PACS2: variants seen among roughly 807,000 people sequenced by gnomAD.
PACS2 encodes the protein PACS1-like protein.
A neutral mutation model predicts 113.0 loss-of-function variants in PACS2; 36 were observed. The observed-to-expected ratio is 0.32, with a 90% CI of 0.24 to 0.42. PACS2 has a LOEUF of 0.42. Ranked by LOEUF, PACS2 falls within the 10% of genes least tolerant of loss-of-function variation. The pLI is 1.00. For missense variants in PACS2, 1,015 were observed against 1,239.5 expected (o/e 0.82, Z 2.72); for synonymous variants, 589 against 536.1 (o/e 1.10, Z -1.36).
Position 105,356,273 on chromosome 14 carries a change from C to G in PACS2, c.423+1096C>G, listed in dbSNP as rs377608513. The stretch of plus-strand genomic sequence containing the variant: ...CATCCAGGACAAGTGCCAAGTACTA[C>G]TCTGGGCTCAGCCCTCCCTGCTACC... On this transcript the variant is annotated intron_variant, in intron 4 of 24. Coordinates refer to ENST00000447393, the MANE Select transcript of PACS2 (RefSeq NM_001100913.3). This position sits in a 1 kb window ranked among gnomAD's most constrained non-coding sequence, Gnocchi z 4.0. 3.0e-3 allele frequency among the ~76,000 whole-genome samples: 451 copies of G among 152,308 alleles called. 3 individuals are homozygous for G. The highest frequency in any genetic ancestry group is 0.01 in the African/African-American group (433 of 41,568).
chr14:105,333,001 C>T (rs1595596603), intron 1 of PACS2, among the ~76,000 whole-genome samples: 1 of 152,122 alleles, frequency 6.6e-6, no homozygotes, highest in Non-Finnish European at 1.5e-5. Flanking sequence ...CTGTGGGCTG[C>T]GTCGTGGTTT....
At chr14:105,385,928 C>T (rs587609410) in intron 19 of PACS2, among the ~76,000 whole-genome samples, 1 of 152,346 alleles carries the variant, frequency 6.6e-6, no homozygotes, top group African/African-American at 2.4e-5. Context: ...GACCCTTTTC[C>T]TCCATCCGAT....
In PACS2 at chr14:105,380,672, C is replaced by A. The variant is rs1267682132; in HGVS notation, c.1126-285C>A. ...GGCACCCAGGAACGCCTGGTTCCCC[C>A]CTGCTGCGTTGCATGGGGTCTCCTC... On this transcript the variant is annotated intron_variant, in intron 11 of 24. Transcript: ENST00000447393. Among the ~76,000 whole-genome samples the A allele has an allele frequency of 2.6e-5, 4 of 152,200 alleles. No individual in the cohort carries two copies. In the East Asian group the frequency reaches 5.8e-4, roughly 22 times the overall value.
intron 3 of PACS2, among the ~76,000 whole-genome samples, chr14:105,352,687 C>T (rs587659590): frequency 1.4e-5 from 2 of 145,268 alleles, no homozygotes; most frequent in South Asian, 2.2e-4. Flanking sequence ...CGACGGGCCC[C>T]GTCATCCCTG....
At chr14:105,350,536 C>T in intron 2 of PACS2, among the ~76,000 whole-genome samples, 1 of 152,198 alleles carries the variant, frequency 6.6e-6, no homozygotes, top group East Asian at 1.9e-4. Flanking sequence ...CTGCCCACCC[C>T]AGCTCAGCAG....
rs587710247 is a variant in PACS2, at chr14:105,373,126, C to T, written c.801+3226C>T. On this transcript the variant is annotated intron_variant, in intron 8 of 24. Transcript: ENST00000447393. ...TGTCATATGTTCATGAATTGGAAAA[C>T]TTAGTCTTGTTAAGGTGGCAATAAT... Among the ~76,000 whole-genome samples the T allele has an allele frequency of 1.2e-4, 19 of 152,276 alleles. No individual in the cohort carries two copies. The East Asian group carries it at 1.5e-3, about 12-fold the overall frequency.
rs587768118 is a variant in PACS2 at position 105,337,025 on chromosome 14, C to T, written c.120-11468C>T. On this transcript the variant is annotated intron_variant, in intron 1 of 24. Coordinates refer to ENST00000447393, the MANE Select transcript of PACS2 (RefSeq NM_001100913.3). The stretch of plus-strand genomic sequence containing the variant: ...AACAAGTCAGCACCATGTGGCCCTC[C>T]GCACCACCCAGCATCACTGGGCCCT... Among the ~76,000 whole-genome samples the T allele has an allele frequency of 4.1e-4, 62 of 152,338 alleles. No individual in the cohort carries two copies. The South Asian group carries it at 0.012, about 28-fold the overall frequency.
intron 4 of PACS2, among the ~76,000 whole-genome samples, chr14:105,363,774 G>A (rs879989253): frequency 2.0e-5 from 3 of 152,042 alleles, no homozygotes; most frequent in Admixed American, 1.3e-4. Flanking sequence ...ACCCTGTCTC[G>A]GCTCTGACGT....
chr14:105,339,824 T>C (rs1320460689), intron 1 of PACS2, among the ~76,000 whole-genome samples: 1 of 152,246 alleles, frequency 6.6e-6, no homozygotes, highest in African/African-American at 2.4e-5. Context: ...TTTGTATTTT[T>C]AGTAGAGAGG....
Position 105,352,473 on chromosome 14 carries a change from T to A in PACS2, c.297+6T>A, listed in dbSNP as rs1046835177. The A allele has an allele frequency of 1.3e-6, 2 of 1,570,332 alleles. No homozygotes were observed. The highest frequency in any genetic ancestry group is 1.4e-5 in the African/African-American group (1 of 73,834). ...CCCTGACCTTCTCCTTGCAGGTGAGTCTTTCACCAGTGGTGACGACACCCT... is the reference window on the plus strand; with the variant it reads ...CCCTGACCTTCTCCTTGCAGGTGAGACTTTCACCAGTGGTGACGACACCCT... On this transcript the variant is annotated splice_donor_region_variant and intron_variant, in intron 3 of 24. Coordinates refer to ENST00000447393, the MANE Select transcript of PACS2 (RefSeq NM_001100913.3).
At chr14:105,393,992 T>C (rs1176762433) in intron 24 of PACS2, among the ~76,000 whole-genome samples, 2 of 145,434 alleles carry the variant, frequency 1.4e-5, no homozygotes, top group African/African-American at 2.7e-5. Flanking sequence ...GAGCCGAGAT[T>C]GCGCCACTGC....
In PACS2 at chr14:105,354,809, G is replaced by A. The variant is rs782397394; in HGVS notation, c.298-243G>A. Among the ~76,000 whole-genome samples the A allele has an allele frequency of 7.9e-5, 12 of 152,248 alleles. No homozygotes were observed. The highest frequency in any genetic ancestry group is 1.5e-4 in the Non-Finnish European group (10 of 68,044). On this transcript the variant is annotated intron_variant, in intron 3 of 24. Coordinates refer to ENST00000447393, the MANE Select transcript of PACS2 (RefSeq NM_001100913.3). The surrounding 1 kb of genome is among the most constrained non-coding windows in gnomAD (Gnocchi z 4.2). Reference sequence around the variant, plus strand: ...CCTGCCATGGCTGTTAGCGTGGCGCGGAGCCCTCAGGGCCTGAGCTCTGGC... The same window carrying A: ...CCTGCCATGGCTGTTAGCGTGGCGCAGAGCCCTCAGGGCCTGAGCTCTGGC...
chr14:105,362,226 G>A lies in PACS2; in HGVS notation c.424-4987G>A, dbSNP rs186187173. On this transcript the variant is annotated intron_variant, in intron 4 of 24. Coordinates refer to ENST00000447393, the MANE Select transcript of PACS2 (RefSeq NM_001100913.3). Reference sequence around the variant, plus strand: ...GAGGTCAGGAGATCAAGACCATCCTGGCTAACACAGTGAAACACCGTCTCT... The same window carrying A: ...GAGGTCAGGAGATCAAGACCATCCTAGCTAACACAGTGAAACACCGTCTCT... 9.9e-5 allele frequency among the ~76,000 whole-genome samples: 15 copies of A among 150,784 alleles called. No individual in the cohort carries two copies. In the East Asian group the frequency reaches 1.2e-3, roughly 12 times the overall value.
At chr14:105,369,747 C>CG in intron 7 of PACS2, 94 bp from the exon 8 acceptor site, 3 of 1,074,528 alleles carry the variant, frequency 2.8e-6, no homozygotes, top group Non-Finnish European at 4.1e-6. Context: ...TCTCCCACGG[C>CG]GGGCCTGGGT....
rs1555408926 is a variant in PACS2, at chr14:105,369,885, C to T, written c.786C>T (p.Phe262=). The change falls in exon 8 of 25, where the codon TTC becomes TTT. Residue 262 remains phenylalanine (F), a synonymous_variant. Coordinates refer to ENST00000447393, the MANE Select transcript of PACS2 (RefSeq NM_001100913.3). The part of the protein sequence containing the change: ...KQKVVALLRR[F]KVSDEVLDSE... ...AAGTGGTAGCGCTGCTGCGGAGGTT[C>T]AAAGTGTCCGACGAGGTGAGTGCGC... is the stretch of plus-strand genomic sequence containing the variant. The T allele has an allele frequency of 1.9e-6, 3 of 1,604,100 alleles. No homozygotes were observed. The highest frequency in any genetic ancestry group is 2.5e-6 in the Non-Finnish European group (3 of 1,178,308).
At chr14:105,301,948 C>T (rs925425045) in intron 1 of PACS2, among the ~76,000 whole-genome samples, 4 of 152,106 alleles carry the variant, frequency 2.6e-5, no homozygotes, top group Non-Finnish European at 2.9e-5. Context: ...ACCAGCCTGG[C>T]CAACATGGCG....
At chr14:105,383,789 G>A (rs782625642) in intron 16 of PACS2, 8 of 441,320 alleles carry the variant, frequency 1.8e-5, no homozygotes, top group South Asian at 6.0e-5. Context: ...TAAAGCCATC[G>A]CCCTCTGAAG....
intron 9 of PACS2, among the ~76,000 whole-genome samples, chr14:105,379,380 G>A (rs1555411308): frequency 6.6e-6 from 1 of 152,234 alleles, no homozygotes; most frequent in African/African-American, 2.4e-5. Context: ...CAGCAGGATT[G>A]GCCAGTGGAG....
chr14:105,336,932 CCT>C (rs1397254721), intron 1 of PACS2, among the ~76,000 whole-genome samples: 38 of 152,180 alleles, frequency 2.5e-4, no homozygotes, highest in African/African-American at 8.7e-4. Context: ...AGATCTCCAC[CCT>C]GTGTTCACAG....
Sources: gnomAD v4.1 joint callset for allele counts (sites outside exome capture counted in the v4.1 genomes callset) on GRCh38, gnomAD v4.1.1 for gene constraint, Gnocchi (gnomAD v3.1) non-coding constraint, MANE v1.5 for transcripts, NCBI Gene and HGNC (gene_info 2026-07-23, HGNC 2026-07-21) for gene names.